IGDCC3: variants seen among roughly 807,000 people sequenced by gnomAD.
IGDCC3 encodes the protein putative neuronal cell adhesion molecule.
In IGDCC3, 47 loss-of-function variants were observed where a neutral mutation model predicts 72.0. The observed-to-expected ratio is 0.65, with a 90% CI of 0.52 to 0.83. IGDCC3 has a LOEUF of 0.83. Ranked by LOEUF, IGDCC3 falls within the 40% of genes least tolerant of loss-of-function variation. The pLI, the probability that IGDCC3 is intolerant of heterozygous loss-of-function variation, is 0.00. For missense variants in IGDCC3, 1,038 were observed against 1,091.3 expected, an observed-to-expected ratio of 0.95 and a Z score of 0.69; for synonymous variants, 477 against 472.8, an observed-to-expected ratio of 1.01 and a Z score of -0.11.
At chr15:65,364,935 G>A (rs1263574671) in intron 2 of IGDCC3, among the ~76,000 whole-genome samples, 1 of 152,130 alleles carries the variant, frequency 6.6e-6, no homozygotes, top group Non-Finnish European at 1.5e-5. Context: ...TCCTAGGGGA[G>A]GACCATATAA....
chr15:65,368,876 CAG>C (rs1595765656), intron 2 of IGDCC3, among the ~76,000 whole-genome samples: 1 of 152,192 alleles, frequency 6.6e-6, no homozygotes, highest in East Asian at 1.9e-4. Context: ...AAAAGAGAAG[CAG>C]AGAGAGAAAC....
In IGDCC3 at chr15:65,331,095, C is replaced by T. The variant is rs752536685; in HGVS notation, c.1516G>A (p.Ala506Thr). ...AGGGTGGGCACAGAGGCTGAGCTGG[C>T]CCCCCTTGGTGTGTAGGCCTTGATG... The part of the protein sequence containing the change: ...FYIKAYTPRG[A>T]SSASVPTLAS... Residue 506 changes from alanine to threonine, a missense_variant, in exon 9 of 14, where the codon GCC (alanine) becomes ACC (threonine). Transcript: ENST00000327987. The T allele has an allele frequency of 2.5e-6, 4 of 1,614,096 alleles. No homozygotes were observed. In the South Asian group the frequency reaches 3.3e-5, roughly 13 times the overall value.
At chr15:65,354,425 T>C (rs560436719) in intron 2 of IGDCC3, among the ~76,000 whole-genome samples, 1 of 152,132 alleles carries the variant, frequency 6.6e-6, no homozygotes, top group Non-Finnish European at 1.5e-5. Flanking sequence ...CTGTTGCCCC[T>C]TTTTCTACCA....
chr15:65,365,092 C>T (rs997672113), intron 2 of IGDCC3, among the ~76,000 whole-genome samples: 3 of 152,102 alleles, frequency 2.0e-5, no homozygotes, highest in African/African-American at 7.2e-5. Flanking sequence ...CCTGGGGCTT[C>T]GGTTTCCAAG....
At chr15:65,358,857 GCT>G (rs1166565995) in intron 2 of IGDCC3, among the ~76,000 whole-genome samples, 2 of 151,362 alleles carry the variant, frequency 1.3e-5, no homozygotes, top group Admixed American at 6.6e-5. Flanking sequence ...ATGAAGTCTC[GCT>G]CTGTCACCCA....
Position 65,329,114 on chromosome 15 carries a change from G to A in IGDCC3, c.2240C>T (p.Thr747Ile), listed in dbSNP as rs1451104664. 6.2e-7 allele frequency: 1 copy of A among 1,610,570 alleles called. No homozygotes were observed. The highest frequency in any genetic ancestry group is 1.3e-5 in the African/African-American group (1 of 75,022). ...DPAAPAPCEE[T>I]QLSVLPLQGC... is the part of the protein sequence containing the mutation. ...CTGAAGTGGCAGCACGGAGAGCTGGGTCTCCTCACACGGAGCGGGGGCTGC... is the reference window on the plus strand; with the variant it reads ...CTGAAGTGGCAGCACGGAGAGCTGGATCTCCTCACACGGAGCGGGGGCTGC... Residue 747 changes from threonine to isoleucine, a missense_variant, in exon 14 of 14, where the codon ACC becomes ATC. By Grantham distance (89) the Thr-to-Ile change is moderately conservative. Transcript: ENST00000327987. This position sits in a 1 kb window ranked among gnomAD's most constrained non-coding sequence, Gnocchi z 4.1.
In IGDCC3 at chr15:65,329,028, A is replaced by T; in HGVS notation, c.2326T>A (p.Cys776Ser). Residue 776 changes from cysteine to serine, a missense_variant, in exon 14 of 14, where the codon TGC (cysteine) becomes AGC (serine). By Grantham distance (112) the Cys-to-Ser change is moderately radical. Coordinates refer to ENST00000327987, the MANE Select transcript of IGDCC3 (RefSeq NM_004884.4). The surrounding 1 kb of genome is among the most constrained non-coding windows in gnomAD (Gnocchi z 4.1). ...EAKTTEATAP[C>S]AGLAAAPPPP... is the part of the protein sequence containing the mutation. Reference sequence around the variant, plus strand: ...GGTGGGGCAGCCGCCAGGCCGGCGCAGGGAGCCGTGGCCTCTGTGGTCTTC... The same window carrying T: ...GGTGGGGCAGCCGCCAGGCCGGCGCTGGGAGCCGTGGCCTCTGTGGTCTTC... 1 of 1,612,372 alleles carries T rather than the reference A, an allele frequency of 6.2e-7. No individual in the cohort carries two copies. The highest frequency in any genetic ancestry group is 8.5e-7 in the Non-Finnish European group (1 of 1,179,488).
At position 65,330,606 on chromosome 15, in the gene IGDCC3, AAGG is replaced by A; in HGVS notation, c.1694_1696del (p.Ser565del). On this transcript the variant is annotated inframe_deletion, in exon 10 of 14. Coordinates refer to ENST00000327987, the MANE Select transcript of IGDCC3 (RefSeq NM_004884.4). ...TCCAGGCAGCAGGATGGGGCCGGTG[AAGG>A]AGGTCTTGCTTGCTGGGCGGTAAAA... The A allele has an allele frequency of 1.2e-6, 2 of 1,613,768 alleles. No individual in the cohort carries two copies. Among genetic ancestry groups the A allele is most frequent in the South Asian group, 1.1e-5 (1 of 91,070 alleles).
chr15:65,366,079 G>T (rs1423028896), intron 2 of IGDCC3, among the ~76,000 whole-genome samples: 2 of 151,978 alleles, frequency 1.3e-5, no homozygotes, highest in Non-Finnish European at 2.9e-5. Context: ...GTGGTGGCAG[G>T]CGCCTGTAGT....
intron 6 of IGDCC3, among the ~76,000 whole-genome samples, chr15:65,333,040 C>T (rs554192525): frequency 3.9e-5 from 6 of 152,358 alleles, no homozygotes; most frequent in South Asian, 2.1e-4. Flanking sequence ...ACGCAGAGGC[C>T]GGGGAGCATG....
At chr15:65,361,816 C>G (rs1278323517) in intron 2 of IGDCC3, among the ~76,000 whole-genome samples, 1 of 152,304 alleles carries the variant, frequency 6.6e-6, no homozygotes, top group East Asian at 1.9e-4. Flanking sequence ...GGGGTAGGGG[C>G]GCCGCTCCTC....
rs551004824 is a variant in IGDCC3 at position 65,337,354 on chromosome 15, G to A, written c.410-1398C>T. 7.9e-5 allele frequency among the ~76,000 whole-genome samples: 12 copies of A among 152,332 alleles called. No homozygotes were observed. The Middle Eastern group carries it at 0.01, about 130-fold the overall frequency. ...GCGCCTCTTTGTACATGTGTGCGGG[G>A]CTGTGTCTCCGTGTATGTGGTCTGA... On this transcript the variant is annotated intron_variant, in intron 2 of 13. Transcript: ENST00000327987.
In IGDCC3 at chr15:65,328,247, A is replaced by G. The variant is rs545483587; in HGVS notation, c.*662T>C. Reference sequence around the variant, plus strand: ...TAGACATTTTCTTTCACATCTGGAAATGGGGAAGTGCTTTTTTTTTTCTTT... The same window carrying G: ...TAGACATTTTCTTTCACATCTGGAAGTGGGGAAGTGCTTTTTTTTTTCTTT... On this transcript the variant is annotated 3_prime_UTR_variant, in exon 14 of 14. Transcript: ENST00000327987. 6.7e-6 allele frequency: 1 copy of G among 149,094 alleles called. No individual in the cohort carries two copies. The highest frequency in any genetic ancestry group is 2.2e-4 in the South Asian group (1 of 4,618). The allele number at this position is 149,094 out of a possible 1,614,324, so 9.2% of individuals were successfully genotyped here.
chr15:65,360,701 A>G (rs2091254711), intron 2 of IGDCC3, among the ~76,000 whole-genome samples: 1 of 152,228 alleles, frequency 6.6e-6, no homozygotes, highest in South Asian at 2.1e-4. Context: ...GGTCCTATTC[A>G]GCTCTGGCTC....
chr15:65,330,844 G>A (rs1190859691), intron 9 of IGDCC3, 103 bp from the exon 10 acceptor site: 2 of 1,141,110 alleles, frequency 1.8e-6, no homozygotes, highest in Non-Finnish European at 2.5e-6. Flanking sequence ...CAGCCCTCTG[G>A]CCTCTGGCCA....
intron 2 of IGDCC3, among the ~76,000 whole-genome samples, chr15:65,341,721 A>T (rs2091082878): frequency 6.6e-6 from 1 of 152,220 alleles, no homozygotes; most frequent in Admixed American, 6.5e-5. Flanking sequence ...AGTTTCAATC[A>T]TCAACCATCC....
Position 65,329,218 on chromosome 15 carries a change from T to C in IGDCC3, c.2206-70A>G. ...GCGCCAGGCTCCAACTCACCCCACT[T>C]GGGCCTTAGGGTCTCCAGGTCTCCC... On this transcript the variant is annotated intron_variant, in intron 13 of 13. Coordinates refer to ENST00000327987, the MANE Select transcript of IGDCC3 (RefSeq NM_004884.4). The surrounding 1 kb of genome is among the most constrained non-coding windows in gnomAD (Gnocchi z 4.1). The C allele has an allele frequency of 6.5e-7, 1 of 1,544,298 alleles. No homozygotes were observed. The highest frequency in any genetic ancestry group is 8.7e-7 in the Non-Finnish European group (1 of 1,150,192).
intron 2 of IGDCC3, among the ~76,000 whole-genome samples, chr15:65,340,920 C>G (rs1174415027): frequency 6.6e-6 from 1 of 152,006 alleles, no homozygotes; most frequent in Non-Finnish European, 1.5e-5. Flanking sequence ...GTAGAGACAG[C>G]GTTTTGCCAT....
intron 2 of IGDCC3, among the ~76,000 whole-genome samples, chr15:65,345,633 G>T (rs1567065191): frequency 6.8e-6 from 1 of 146,244 alleles, no homozygotes; most frequent in East Asian, 2.0e-4. Context: ...AGAAAAGAAA[G>T]AAAGCAAAGC....
Sources: gnomAD v4.1 joint callset for allele counts (sites outside exome capture counted in the v4.1 genomes callset) on GRCh38, gnomAD v4.1.1 for gene constraint, Gnocchi (gnomAD v3.1) non-coding constraint, MANE v1.5 for transcripts, NCBI Gene and HGNC (gene_info 2026-07-23, HGNC 2026-07-21) for gene names.